Variants in ADAM18 observed in about 807,000 individuals in gnomAD.
ADAM18 encodes the protein ADAM metallopeptidase domain 18.
Under a neutral mutation model 94.4 loss-of-function variants are expected in ADAM18, and 117 were observed. The observed-to-expected ratio is 1.24, with a 90% CI of 1.07 to 1.45. The LOEUF (loss-of-function observed/expected upper bound fraction) is 1.45, where lower values mean the gene tolerates loss of function less well. Ranked by LOEUF, ADAM18 falls within the 40% of genes most tolerant of loss-of-function variation. The pLI is 0.00. For missense variants in ADAM18, 936 were observed against 880.0 expected (o/e 1.06, Z -0.81); for synonymous variants, 327 against 291.6 (o/e 1.12, Z -1.24).
chr8:39,618,205 C>T (rs1819503237), intron 6 of ADAM18, among the ~76,000 whole-genome samples: 1 of 152,160 alleles, frequency 6.6e-6, no homozygotes, highest in Admixed American at 6.5e-5. Flanking sequence ...GGTGGATCGG[C>T]AGGTTGAGAA....
At chr8:39,634,777 G>A (rs146058012) in intron 7 of ADAM18, among the ~76,000 whole-genome samples, 1 of 152,132 alleles carries the variant, frequency 6.6e-6, no homozygotes, top group African/African-American at 2.4e-5. Context: ...CTTGCCTTGA[G>A]TCTTACTCAT....
At chr8:39,686,856 TATG>T (rs946358694) in intron 16 of ADAM18, among the ~76,000 whole-genome samples, 3 of 152,230 alleles carry the variant, frequency 2.0e-5, no homozygotes, top group African/African-American at 4.8e-5. Context: ...TGCAGTGTAT[TATG>T]TGACTAAAGG....
At chr8:39,618,116 C>T (rs901152693) in intron 6 of ADAM18, among the ~76,000 whole-genome samples, 6 of 152,102 alleles carry the variant, frequency 3.9e-5, no homozygotes, top group African/African-American at 1.4e-4. Context: ...ATATTTAATA[C>T]AATAAAAACC....
chr8:39,606,336 A>G lies in ADAM18; in HGVS notation c.162A>G (p.Gln54=). 1.3e-6 allele frequency: 2 copies of G among 1,563,868 alleles called. No homozygotes were observed. Among genetic ancestry groups the G allele is most frequent in the Non-Finnish European group, 1.7e-6 (2 of 1,150,052 alleles). ...TTTACATCATTACAATTGATGGACAACCTTACACTCTACATCTCGGAAAAC... is the reference window on the plus strand; with the variant it reads ...TTTACATCATTACAATTGATGGACAGCCTTACACTCTACATCTCGGAAAAC... ...KMIYIITIDG[Q]PYTLHLGKQS... Residue 54 remains glutamine (Q), a synonymous_variant, in exon 3 of 20, where the codon CAA becomes CAG. Transcript: ENST00000265707.
intron 18 of ADAM18, among the ~76,000 whole-genome samples, chr8:39,718,961 C>T (rs1281031919): frequency 6.6e-6 from 1 of 151,074 alleles, no homozygotes; most frequent in Non-Finnish European, 1.5e-5. Context: ...CAAAATCATC[C>T]ATCAGGCTCT....
chr8:39,684,750 T>A (rs1469552571), intron 16 of ADAM18, among the ~76,000 whole-genome samples: 1 of 152,180 alleles, frequency 6.6e-6, no homozygotes, highest in African/African-American at 2.4e-5. Context: ...TTCTTATAAT[T>A]TCTTGTTTGC....
At chr8:39,619,567 A>T (rs1024027703) in intron 6 of ADAM18, among the ~76,000 whole-genome samples, 2 of 130,720 alleles carry the variant, frequency 1.5e-5, no homozygotes, top group Admixed American at 8.0e-5. Flanking sequence ...TGCTCCACAT[A>T]AAAAAACAGT....
chr8:39,689,375 G>A (rs559516340), intron 16 of ADAM18, among the ~76,000 whole-genome samples: 1 of 152,286 alleles, frequency 6.6e-6, no homozygotes, highest in South Asian at 2.1e-4. Context: ...TCTGTGTGTG[G>A]TGTAAGGAAG....
At chr8:39,625,189 C>G (rs1450672285) in intron 6 of ADAM18, among the ~76,000 whole-genome samples, 1 of 152,026 alleles carries the variant, frequency 6.6e-6, no homozygotes, top group African/African-American at 2.4e-5. Flanking sequence ...GATGAATTTC[C>G]AGTTTTTTCT....
Position 39,723,899 on chromosome 8 carries a change from G to C in ADAM18, c.2169G>C (p.Glu723Asp). 3.3e-6 allele frequency: 5 copies of C among 1,512,362 alleles called. No individual in the cohort carries two copies. In the South Asian group the frequency reaches 6.5e-5, roughly 20 times the overall value. 93.7% of individuals were successfully genotyped at this position (1,512,362 alleles called of 1,614,324 possible). The change falls in exon 19 of 20, where the codon GAG (glutamate) becomes GAC (aspartate). Residue 723 changes from glutamate (E) to aspartate (D), a missense_variant. Glu to Asp is a conservative substitution (Grantham distance 45). Coordinates refer to ENST00000265707, the MANE Select transcript of ADAM18 (RefSeq NM_014237.3). ...AATCATGTAACAGAGAGAATGCAGA[G>C]TATAATCGGTAAATATGATATAGAA... Reference protein sequence around the residue: ...ISKSCNRENAEYNRNSSVVSE... With the variant: ...ISKSCNRENADYNRNSSVVSE...
rs142782060 is a variant in ADAM18 at position 39,716,848 on chromosome 8, T to A, written c.2018-6900T>A. Among the ~76,000 whole-genome samples, 14 of 151,982 alleles carry A rather than the reference T, an allele frequency of 9.2e-5. No individual in the cohort carries two copies. The East Asian group carries it at 2.7e-3, about 29-fold the overall frequency. On this transcript the variant is annotated intron_variant, in intron 18 of 19. Coordinates refer to ENST00000265707, the MANE Select transcript of ADAM18 (RefSeq NM_014237.3). ...ATATCTATTTCTCCGTTTAGTTCAG[T>A]CACTGTTTGCTTTATATACTTATGT...
chr8:39,610,936 A>C, intron 6 of ADAM18: 1 of 1,227,206 alleles, frequency 8.1e-7, no homozygotes, highest in East Asian at 3.2e-5. Flanking sequence ...TATTTTTTTC[A>C]AACAAAATGA....
At chr8:39,653,535 C>T (rs1820598226) in intron 12 of ADAM18, among the ~76,000 whole-genome samples, 1 of 152,150 alleles carries the variant, frequency 6.6e-6, no homozygotes, top group South Asian at 2.1e-4. Flanking sequence ...TTCACAACCT[C>T]TCATCAGAGA....
intron 6 of ADAM18, among the ~76,000 whole-genome samples, chr8:39,618,297 C>T (rs922724928): frequency 6.6e-6 from 1 of 151,822 alleles, no homozygotes; most frequent in African/African-American, 2.4e-5. Context: ...ACAATGCATT[C>T]GATATACCAG....
chr8:39,637,159 A>G (rs1463693342), intron 7 of ADAM18, 105 bp from the exon 8 acceptor site: 19 of 835,814 alleles, frequency 2.3e-5, no homozygotes, highest in Non-Finnish European at 3.2e-5. Flanking sequence ...ATGTACTTTA[A>G]AACAGCTCTA....
At chr8:39,722,190 C>CAT (rs1822770459) in intron 18 of ADAM18, among the ~76,000 whole-genome samples, 1 of 101,810 alleles carries the variant, frequency 9.8e-6, no homozygotes, top group Non-Finnish European at 1.8e-5. Flanking sequence ...TTGGTTATAC[C>CAT]GTGTGTGTGT....
intron 17 of ADAM18, among the ~76,000 whole-genome samples, chr8:39,697,513 A>G (rs1169831341): frequency 6.6e-6 from 1 of 151,686 alleles, no homozygotes; most frequent in Non-Finnish European, 1.5e-5. Context: ...GAATTTTTTC[A>G]CATCATTTAT....
At chr8:39,653,847 T>C (rs1237576824) in intron 12 of ADAM18, among the ~76,000 whole-genome samples, 1 of 152,226 alleles carries the variant, frequency 6.6e-6, no homozygotes, top group Non-Finnish European at 1.5e-5. Flanking sequence ...TCTTCTCTTC[T>C]AGCTATTTTA....
In ADAM18 at chr8:39,610,533, T is replaced by G. The variant is rs1563273960; in HGVS notation, c.349T>G (p.Phe117Val). Residue 117 changes from phenylalanine to valine, a missense_variant, in exon 6 of 20, where the codon TTT becomes GTT. Coordinates refer to ENST00000265707, the MANE Select transcript of ADAM18 (RefSeq NM_014237.3). ...TTATGCCTTCTAAATTTTCAGGGGA[T>G]TTCTCCAGTTTGAAAATATCAGTTA... is the stretch of plus-strand genomic sequence containing the variant. ...TLSICSGLRGFLQFENISYGI... is the reference protein window; with the variant it reads ...TLSICSGLRGVLQFENISYGI... The G allele has an allele frequency of 1.3e-6, 2 of 1,598,454 alleles. No homozygotes were observed. Among genetic ancestry groups the G allele is most frequent in the Non-Finnish European group, 1.7e-6 (2 of 1,171,592 alleles).
Sources: allele counts gnomAD v4.1 joint callset (sites outside exome capture counted in the v4.1 genomes callset), GRCh38; gene constraint gnomAD v4.1.1; transcripts MANE v1.5; gene names NCBI Gene and HGNC (gene_info 2026-07-23, HGNC 2026-07-21).